Variants in GABBR2 observed in about 807,000 individuals in gnomAD.
GABBR2 encodes gamma-aminobutyric acid type B receptor subunit 2.
A neutral mutation model predicts 105.6 loss-of-function variants in GABBR2; 23 were observed. The ratio of observed to expected loss-of-function variants is 0.22; its 90% CI spans 0.16 to 0.31. GABBR2 has a LOEUF of 0.31. GABBR2 is among the 10% of genes least tolerant of loss of function. The pLI is 1.00. For missense variants in GABBR2, 734 were observed against 1,245.5 expected (o/e 0.59, Z 6.18); for synonymous variants, 478 against 499.7 (o/e 0.96, Z 0.58).
chr9:98,684,630 T>C (rs564769155), intron 1 of GABBR2, among the ~76,000 whole-genome samples: 5 of 152,224 alleles, frequency 3.3e-5, no homozygotes, highest in Non-Finnish European at 7.3e-5. Context: ...TTCCTTGGTA[T>C]ATTCTGGAAA....
chr9:98,539,421 G>T lies in GABBR2; in HGVS notation c.630+2452C>A, dbSNP rs535735662. 7.6e-4 allele frequency among the ~76,000 whole-genome samples: 115 copies of T among 152,312 alleles called. 2 individuals are homozygous for T. In the South Asian group the frequency reaches 0.023, roughly 31 times the overall value. On this transcript the variant is annotated intron_variant, in intron 3 of 18. Coordinates refer to ENST00000259455, the MANE Select transcript of GABBR2 (RefSeq NM_005458.8). ...AGAAGAAAAGAAGGAGAAATGGGAA[G>T]TCTGAACTGAGGGGTTCAGGACCCC...
At chr9:98,452,041 C>T (rs538253741) in intron 7 of GABBR2, among the ~76,000 whole-genome samples, 23 of 152,370 alleles carry the variant, frequency 1.5e-4, no homozygotes, top group African/African-American at 5.3e-4. Context: ...TTTAACCTCT[C>T]ATTGTTTTTG....
intron 17 of GABBR2, among the ~76,000 whole-genome samples, chr9:98,296,598 T>C (rs1830386665): frequency 6.6e-6 from 1 of 152,236 alleles, no homozygotes; most frequent in African/African-American, 2.4e-5. Flanking sequence ...TGGTATCTCA[T>C]TGCAGATTTA....
intron 8 of GABBR2, among the ~76,000 whole-genome samples, chr9:98,397,468 T>A (rs1832314883): frequency 6.6e-6 from 1 of 152,154 alleles, no homozygotes; most frequent in Non-Finnish European, 1.5e-5. Flanking sequence ...AACTGGGAAC[T>A]TTAGAATTGA....
At position 98,436,392 on chromosome 9, in the gene GABBR2, TATATATATATATATAG is replaced by T. The variant is rs1342919560; in HGVS notation, c.1236+17573_1236+17588del. On this transcript the variant is annotated intron_variant, in intron 7 of 18. Transcript: ENST00000259455. ...ATATATATATATATATATATATATA[TATATATATATATATAG>T]TATGGCGTTCTTTCTTCTACTACCA... is the stretch of plus-strand genomic sequence containing the variant. Among the ~76,000 whole-genome samples the T allele has an allele frequency of 2.8e-3, 135 of 48,530 alleles. 11 individuals carry two copies. The highest frequency in any genetic ancestry group is 5.1e-3 in the Admixed American group (19 of 3,708). 31.8% of individuals were successfully genotyped at this position (48,530 alleles called of 152,430 possible). A position where few individuals can be genotyped will look rare whatever the true frequency, so the allele number is the denominator to read the frequency against.
At chr9:98,594,547 G>T (rs981387571) in intron 1 of GABBR2, among the ~76,000 whole-genome samples, 1 of 152,236 alleles carries the variant, frequency 6.6e-6, no homozygotes, top group African/African-American at 2.4e-5. Flanking sequence ...GCCCAGGGAA[G>T]GTTCCTATGG....
intron 6 of GABBR2, among the ~76,000 whole-genome samples, chr9:98,459,000 T>C (rs890075696): frequency 2.6e-5 from 4 of 152,184 alleles, no homozygotes; most frequent in Admixed American, 2.6e-4. Flanking sequence ...ATGGCTGATG[T>C]TGAGGAGACT....
At chr9:98,316,458 G>C (rs116374562) in intron 13 of GABBR2, among the ~76,000 whole-genome samples, 3 of 128,300 alleles carry the variant, frequency 2.3e-5, no homozygotes, top group African/African-American at 8.3e-5. Context: ...GGCCACTTTT[G>C]TTATTTTTCT....
rs1361785317 is a variant in GABBR2, at chr9:98,541,978, G to A, written c.525C>T (p.Thr175=). ...DKKKYPYFFR[T]VPSDNAVNPA... is the part of the protein sequence containing the mutation. The stretch of plus-strand genomic sequence containing the variant: ...GATTCACCGCATTGTCTGATGGGAC[G>A]GTCCGAAAGAAATAAGGGTATTTTT... Residue 175 remains threonine, a synonymous_variant, in exon 3 of 19, where the codon ACC becomes ACT. Transcript: ENST00000259455. 5 of 1,613,968 alleles carry A rather than the reference G, an allele frequency of 3.1e-6. No homozygotes were observed. The highest frequency in any genetic ancestry group is 1.3e-5 in the African/African-American group (1 of 74,926).
chr9:98,339,862 C>T (rs1479892755), intron 13 of GABBR2, among the ~76,000 whole-genome samples: 4 of 152,132 alleles, frequency 2.6e-5, no homozygotes, highest in African/African-American at 9.7e-5. Context: ...GGGGAATATG[C>T]TAGTGTAGTC....
At chr9:98,667,396 G>A (rs1167873002) in intron 1 of GABBR2, among the ~76,000 whole-genome samples, 5 of 152,156 alleles carry the variant, frequency 3.3e-5, no homozygotes, top group East Asian at 1.9e-4. Flanking sequence ...TTCCCCTTCA[G>A]GAGCTGGGCA....
chr9:98,515,350 G>A (rs376422490), intron 3 of GABBR2, among the ~76,000 whole-genome samples: 14 of 152,306 alleles, frequency 9.2e-5, no homozygotes, highest in African/African-American at 3.1e-4. Context: ...GACGAGCAGT[G>A]CGATCAAATT....
intron 7 of GABBR2, among the ~76,000 whole-genome samples, chr9:98,435,295 T>C (rs1225296423): frequency 6.6e-6 from 1 of 152,236 alleles, no homozygotes; most frequent in Non-Finnish European, 1.5e-5. Context: ...TAATTTACTA[T>C]AGTAATGCTC....
At chr9:98,519,710 C>CTTTT (rs11386577) in intron 3 of GABBR2, among the ~76,000 whole-genome samples, 2 of 142,544 alleles carry the variant, frequency 1.4e-5, no homozygotes, top group Non-Finnish European at 3.1e-5. Flanking sequence ...GAGCCGGCAA[C>CTTTT]TTTTTTTTTT....
In GABBR2 at chr9:98,306,803, G is replaced by T. The variant is rs529859982; in HGVS notation, c.2005-458C>A. Reference sequence around the variant, plus strand: ...CTATTAAACTAAGCAGATCCCTTGTGTCTGAGACTTCTATTGTCCCCAAGC... The same window carrying T: ...CTATTAAACTAAGCAGATCCCTTGTTTCTGAGACTTCTATTGTCCCCAAGC... On this transcript the variant is annotated intron_variant, in intron 14 of 18. Coordinates refer to ENST00000259455, the MANE Select transcript of GABBR2 (RefSeq NM_005458.8). The surrounding 1 kb of genome is among the most constrained non-coding windows in gnomAD (Gnocchi z 5.4). 6.6e-6 allele frequency among the ~76,000 whole-genome samples: 1 copy of T among 152,188 alleles called. No homozygotes were observed.
intron 12 of GABBR2, among the ~76,000 whole-genome samples, chr9:98,367,311 A>AT (rs1554695836): frequency 4.0e-5 from 6 of 151,286 alleles, no homozygotes; most frequent in African/African-American, 1.5e-4. Context: ...AAAAAAAAAA[A>AT]AAAATAAGGG....
At chr9:98,318,124 A>G (rs1830750934) in intron 13 of GABBR2, among the ~76,000 whole-genome samples, 2 of 152,342 alleles carry the variant, frequency 1.3e-5, no homozygotes, top group Admixed American at 1.3e-4. Context: ...CTGAAGTGTG[A>G]TAAGCGAGAG....
At chr9:98,616,511 TG>T (rs1829585805) in intron 1 of GABBR2, among the ~76,000 whole-genome samples, 1 of 152,138 alleles carries the variant, frequency 6.6e-6, no homozygotes, top group Non-Finnish European at 1.5e-5. Context: ...CCCAACACTT[TG>T]GGAGGCCGAG....
intron 11 of GABBR2, chr9:98,375,156 C>T (rs1831850324): frequency 6.6e-6 from 1 of 152,300 alleles, no homozygotes; most frequent in South Asian, 2.1e-4. Context: ...CTTACCTCTT[C>T]TGATATTTCT....
Sources: gnomAD v4.1 joint callset for allele counts (sites outside exome capture counted in the v4.1 genomes callset) on GRCh38, gnomAD v4.1.1 for gene constraint, Gnocchi (gnomAD v3.1) non-coding constraint, MANE v1.5 for transcripts, NCBI Gene and HGNC (gene_info 2026-07-23, HGNC 2026-07-21) for gene names.